PLA2G4D: variants seen among roughly 807,000 people sequenced by gnomAD.
The protein encoded by PLA2G4D is phospholipase A2 group IVD.
PLA2G4D carries 80 observed loss-of-function variants against 94.4 expected under a neutral mutation model. The observed-to-expected ratio is 0.85, with a 90% CI of 0.71 to 1.02. PLA2G4D has a LOEUF of 1.02. Among genes scored for constraint, PLA2G4D ranks in the 50% least tolerant of loss-of-function variants. PLA2G4D has a pLI of 0.00. For missense variants in PLA2G4D, 1,050 were observed against 1,034.7 expected (o/e 1.01, Z -0.20); for synonymous variants, 438 against 440.9 (o/e 0.99, Z 0.08).
Position 42,086,194 on chromosome 15 carries a change from T to TGGGGGGGGGCCCCCC in PLA2G4D, c.387+18_387+19insGGGGGGCCCCCCCCC. On this transcript the variant is annotated intron_variant, in intron 4 of 19. Transcript: ENST00000290472. ...GGAAGAAGTGGGGCCCACGGGGACT[T>TGGGGGGGGGCCCCCC]CCCCACCCACCCACCCACCTGGGGA... 5 of 1,370,444 alleles carry TGGGGGGGGGCCCCCC rather than the reference T, an allele frequency of 3.6e-6. No individual in the cohort carries two copies. Among genetic ancestry groups the TGGGGGGGGGCCCCCC allele is most frequent in the Non-Finnish European group, 3.8e-6 (4 of 1,043,084 alleles). 84.9% of individuals were successfully genotyped at this position (1,370,444 alleles called of 1,614,324 possible).
chr15:42,082,490 C>T (rs929461859), intron 8 of PLA2G4D, 101 bp from the exon 9 acceptor site: 24 of 697,516 alleles, frequency 3.4e-5, no homozygotes, highest in Non-Finnish European at 5.1e-5. Flanking sequence ...CCTGATAATA[C>T]AGAATATTAT....
intron 9 of PLA2G4D, 39 bp downstream of exon 9, chr15:42,082,240 A>T (rs1424547680): frequency 6.5e-7 from 1 of 1,539,978 alleles, no homozygotes; most frequent in East Asian, 2.3e-5. Context: ...CCTTATCTTC[A>T]TTCTTACTGG....
chr15:42,083,574 G>A (rs534511237), intron 7 of PLA2G4D, 142 bp downstream of exon 7: 17 of 1,124,382 alleles, frequency 1.5e-5, no homozygotes, highest in South Asian at 4.2e-5. Context: ...GCGGAGATGC[G>A]TGGCCCTCTG....
chr15:42,094,129 A>C (rs1342720122), intron 1 of PLA2G4D, among the ~76,000 whole-genome samples: 2 of 152,058 alleles, frequency 1.3e-5, no homozygotes, highest in African/African-American at 4.8e-5. Flanking sequence ...TGACACACCC[A>C]GCCACTATGT....
In PLA2G4D at chr15:42,094,554, C is replaced by CA; in HGVS notation, c.-96dup. The CA allele has an allele frequency of 6.8e-7, 1 of 1,467,204 alleles. No individual in the cohort carries two copies. The highest frequency in any genetic ancestry group is 1.8e-5 in the Admixed American group (1 of 56,146). The allele number at this position is 1,467,204 out of a possible 1,614,324, so 90.9% of individuals were successfully genotyped here. A position where few individuals can be genotyped will look rare whatever the true frequency, so the allele number is the denominator to read the frequency against. On this transcript the variant is annotated 5_prime_UTR_variant, in exon 1 of 20. The change abolishes an upstream ATG in the 5' untranslated region. Transcript: ENST00000290472. Reference sequence around the variant, plus strand: ...GACGGTCCCAGTGGGATAGGACCAGCATGAATCTGCCAGCCTTCAATGAGC... The same window carrying CA: ...GACGGTCCCAGTGGGATAGGACCAGCAATGAATCTGCCAGCCTTCAATGAGC...
chr15:42,091,632 G>A (rs985550952), intron 1 of PLA2G4D, among the ~76,000 whole-genome samples: 1 of 151,960 alleles, frequency 6.6e-6, no homozygotes, highest in African/African-American at 2.4e-5. Flanking sequence ...TCCACCTCTC[G>A]TGGAGGGCCT....
intron 3 of PLA2G4D, among the ~76,000 whole-genome samples, 194 bp downstream of exon 3, chr15:42,087,106 C>T (rs182950553): frequency 2.6e-5 from 4 of 152,268 alleles, no homozygotes; most frequent in Admixed American, 2.6e-4. Flanking sequence ...AGTCCCACAG[C>T]CAGTTGGTGA....
chr15:42,080,942 C>A, intron 12 of PLA2G4D, 55 bp downstream of exon 12: 1 of 1,583,752 alleles, frequency 6.3e-7, no homozygotes, highest in South Asian at 1.2e-5. Flanking sequence ...GGTGCCCACT[C>A]TGCCCCGCTA....
At chr15:42,093,578 G>T (rs1333690195) in intron 1 of PLA2G4D, among the ~76,000 whole-genome samples, 1 of 152,150 alleles carries the variant, frequency 6.6e-6, no homozygotes, top group African/African-American at 2.4e-5. Flanking sequence ...CTCAGGCTGG[G>T]GCAACAGTGT....
rs942141667 is a variant in PLA2G4D, at chr15:42,079,723, C to A, written c.1131G>T (p.Ser377=). The A allele has an allele frequency of 2.5e-6, 4 of 1,607,712 alleles. No individual in the cohort carries two copies. In the African/African-American group the frequency reaches 4.0e-5, roughly 16 times the overall value. Residue 377 remains serine (S), a synonymous_variant, in exon 13 of 20, where the codon TCG becomes TCT. Transcript: ENST00000290472. ...TGATAGGTCCCTCCAGGTCCCTCTG[C>A]GACCACTCAGGGTCCCCGTACAGGT... ...MAHLYGDPEW[S]QRDLEGPIRY...
At chr15:42,072,221 G>T in intron 14 of PLA2G4D, 54 bp downstream of exon 14, 1 of 1,457,080 alleles carries the variant, frequency 6.9e-7, no homozygotes, top group East Asian at 2.3e-5. Flanking sequence ...GGCTGTCGGG[G>T]TGCAGAGGGT....
At chr15:42,080,859 G>C in intron 12 of PLA2G4D, 138 bp downstream of exon 12, 2 of 1,205,488 alleles carry the variant, frequency 1.7e-6, no homozygotes, top group Non-Finnish European at 2.2e-6. Context: ...CCTTCCTTGT[G>C]GGAAAGCTGC....
Position 42,078,682 on chromosome 15 carries a change from T to G in PLA2G4D, c.1317+855A>C, listed in dbSNP as rs570266337. Reference sequence around the variant, plus strand: ...TTTATTTTTATACCCATTAACGAATTTTTCTTCCTCCCCTCCCATGATAAT... The same window carrying G: ...TTTATTTTTATACCCATTAACGAATGTTTCTTCCTCCCCTCCCATGATAAT... On this transcript the variant is annotated intron_variant, in intron 13 of 19. Coordinates refer to ENST00000290472, the MANE Select transcript of PLA2G4D (RefSeq NM_178034.4). Among the ~76,000 whole-genome samples the G allele has an allele frequency of 2.4e-4, 37 of 152,248 alleles. 1 individual carries two copies. The highest frequency in any genetic ancestry group is 3.4e-3 in the Middle Eastern group (1 of 294).
chr15:42,086,213 CTGGGGA>C lies in PLA2G4D; in HGVS notation c.381_386del (p.Ser127_Gln129delinsArg). On this transcript the variant is annotated inframe_deletion and splice_region_variant, in exon 4 of 20. Coordinates refer to ENST00000290472, the MANE Select transcript of PLA2G4D (RefSeq NM_178034.4). ...GGGACTTCCCCACCCACCCACCCAC[CTGGGGA>C]CTCTGGGAGAAGGTTTTCCGGAGCA... The C allele has an allele frequency of 1.3e-6, 2 of 1,531,830 alleles. No homozygotes were observed. The highest frequency in any genetic ancestry group is 1.2e-5 in the South Asian group (1 of 84,282). The allele number at this position is 1,531,830 out of a possible 1,614,324, so 94.9% of individuals were successfully genotyped here. A position where few individuals can be genotyped will look rare whatever the true frequency, so the allele number is the denominator to read the frequency against.
Position 42,070,334 on chromosome 15 carries a change from C to T in PLA2G4D, c.2044-239G>A, listed in dbSNP as rs542842343. ...GGGGTCAGACCCATCCCCCAGCCCC[C>T]CAAAACCCCAATTCTGGATTGCTAT... On this transcript the variant is annotated intron_variant, in intron 18 of 19. Coordinates refer to ENST00000290472, the MANE Select transcript of PLA2G4D (RefSeq NM_178034.4). 211 of 524,780 alleles carry T rather than the reference C, an allele frequency of 4.0e-4. 3 individuals are homozygous for T. The South Asian group carries it at 6.0e-3, about 15-fold the overall frequency. The allele number at this position is 524,780 out of a possible 1,614,324, so 32.5% of individuals were successfully genotyped here.
rs903534291 is a variant in PLA2G4D, at chr15:42,067,559, GAAAGAA to G, written c.*1150_*1155del. 1.5e-5 allele frequency: 2 copies of G among 131,306 alleles called. No homozygotes were observed. The highest frequency in any genetic ancestry group is 2.1e-4 in the East Asian group (1 of 4,690). The allele number at this position is 131,306 out of a possible 1,614,324, so 8.1% of individuals were successfully genotyped here. A position where few individuals can be genotyped will look rare whatever the true frequency, so the allele number is the denominator to read the frequency against. On this transcript the variant is annotated 3_prime_UTR_variant, in exon 20 of 20. Transcript: ENST00000290472. ...ATTCTGTCTCAAAAAAAAAAAAAAA[GAAAGAA>G]AAAGAAAAAGAAATGTGCCAGCAAT...
At chr15:42,077,779 A>G (rs942427334) in intron 13 of PLA2G4D, among the ~76,000 whole-genome samples, 1 of 152,262 alleles carries the variant, frequency 6.6e-6, no homozygotes, top group Non-Finnish European at 1.5e-5. Context: ...CTACGCCCAT[A>G]ACATAAGCAG....
At position 42,071,460 on chromosome 15, in the gene PLA2G4D, G is replaced by A. The variant is rs1384795660; in HGVS notation, c.1665C>T (p.Asp555=). 5 of 1,613,388 alleles carry A rather than the reference G, an allele frequency of 3.1e-6. No homozygotes were observed. The highest frequency in any genetic ancestry group is 3.4e-6 in the Non-Finnish European group (4 of 1,179,526). ...CCTTCCCACCTAAGCTCCTGGTCTT[G>A]TCCTTGATGTGCTGTTTCCAGGACT... ...SGESWKQHIK[D]KTRSLEKEPL... The change falls in exon 16 of 20, where the codon GAC becomes GAT. Residue 555 remains aspartate (D), a synonymous_variant. Transcript: ENST00000290472.
intron 14 of PLA2G4D, 86 bp downstream of exon 14, chr15:42,072,189 C>T: frequency 1.6e-6 from 2 of 1,263,118 alleles, no homozygotes; most frequent in South Asian, 2.6e-5. Flanking sequence ...CTGTGCGGAG[C>T]TTCCAGCATG....
Sources: gnomAD v4.1 joint callset for allele counts (sites outside exome capture counted in the v4.1 genomes callset) on GRCh38, gnomAD v4.1.1 for gene constraint, MANE v1.5 for transcripts, NCBI Gene and HGNC (gene_info 2026-07-23, HGNC 2026-07-21) for gene names.